COL12A1: variants seen among roughly 807,000 people sequenced by gnomAD.
COL12A1 encodes the protein collagen alpha-1(XII) chain.
In COL12A1, 114 loss-of-function variants were observed where a neutral mutation model predicts 349.7. The observed-to-expected ratio is 0.33, with a 90% confidence interval of 0.28 to 0.38. The LOEUF (loss-of-function observed/expected upper bound fraction) is 0.38, where lower values mean the gene tolerates loss of function less well. Ranked by LOEUF, COL12A1 falls within the 10% of genes least tolerant of loss-of-function variation. COL12A1 has a pLI of 1.00. For synonymous variants in COL12A1, 1,369 were observed against 1,329.0 expected, an observed-to-expected ratio of 1.03 and a Z score of -0.66; for missense variants, 3,284 against 3,756.9, an observed-to-expected ratio of 0.87 and a Z score of 3.29.
rs539441652 is a variant in COL12A1 at position 75,196,677 on chromosome 6, G to A, written c.74-1730C>T. Among the ~76,000 whole-genome samples the A allele has an allele frequency of 3.3e-5, 5 of 152,202 alleles. No individual in the cohort carries two copies. The East Asian group carries it at 7.7e-4, about 23-fold the overall frequency. On this transcript the variant is annotated intron_variant, in intron 2 of 65. Coordinates refer to ENST00000322507, the MANE Select transcript of COL12A1 (RefSeq NM_004370.6). ...ATGCAACAGATGTTAATAGGACAAC[G>A]GGTATTAAGAATATCATTATAAAAT...
chr6:75,090,163 C>T lies in COL12A1; in HGVS notation c.8888G>A (p.Gly2963Glu), dbSNP rs1767688812. 1 of 1,613,920 alleles carries T rather than the reference C, an allele frequency of 6.2e-7. No homozygotes were observed. Among genetic ancestry groups the T allele is most frequent in the Non-Finnish European group, 8.5e-7 (1 of 1,180,014 alleles). Residue 2963 changes from glycine (G) to glutamate (E), a missense_variant, in exon 63 of 66, where the codon GGG (glycine) becomes GAG (glutamate). Physicochemically the swap from Gly to Glu is moderately conservative, Grantham distance 98 (BLOSUM62 -2). Coordinates refer to ENST00000322507, the MANE Select transcript of COL12A1 (RefSeq NM_004370.6). The surrounding 1 kb of genome is among the most constrained non-coding windows in gnomAD (Gnocchi z 4.1). ...TGGTGTGCCCGGGAAGCCTGGCCGC[C>T]CCCCAGGCCCAGGTTCTCCTCTGGC... The part of the protein sequence containing the change: ...AGARGEPGPG[G>E]RPGFPGTPGM...
At chr6:75,117,951 C>T (rs780725536) in intron 46 of COL12A1, among the ~76,000 whole-genome samples, 20 of 152,058 alleles carry the variant, frequency 1.3e-4, no homozygotes, top group Non-Finnish European at 2.8e-4. Context: ...AACTGATTTT[C>T]TCAGGAAACT....
Position 75,109,025 on chromosome 6 carries a change from G to A in COL12A1, c.8093C>T (p.Ser2698Leu). The A allele has an allele frequency of 6.2e-7, 1 of 1,611,438 alleles. No homozygotes were observed. Among genetic ancestry groups the A allele is most frequent in the Non-Finnish European group, 8.5e-7 (1 of 1,179,076 alleles). Residue 2698 changes from serine (S) to leucine (L), a missense_variant, in exon 52 of 66, where the codon TCA (serine) becomes TTA (leucine). Ser to Leu is a moderately radical substitution (Grantham distance 145). Around this residue, in one of 2 missense-constraint regions of COL12A1, gnomAD observed 683 missense variants for 932.1 expected, o/e 0.73. Coordinates refer to ENST00000322507, the MANE Select transcript of COL12A1 (RefSeq NM_004370.6). ...TAAAAATGTGTTACTCACTGCGGCTGATTTCCTTTCCCCTTTAAGGAGTTT... is the reference window on the plus strand; with the variant it reads ...TAAAAATGTGTTACTCACTGCGGCTAATTTCCTTTCCCCTTTAAGGAGTTT... ...LGKLLKGERK[S>L]AAFQIQSFDI...
At chr6:75,111,274 G>C (rs1023660518) in intron 51 of COL12A1, among the ~76,000 whole-genome samples, 1 of 151,726 alleles carries the variant, frequency 6.6e-6, no homozygotes, top group African/African-American at 2.4e-5. Flanking sequence ...AAAGAAGAAG[G>C]TAGAGAATTT....
chr6:75,126,310 C>T (rs1766010674), intron 39 of COL12A1, 41 bp downstream of exon 39: 1 of 1,584,946 alleles, frequency 6.3e-7, no homozygotes. Context: ...ATGCAAATAA[C>T]CCTCCAAAGC....
rs1254800050 is a variant in COL12A1, at chr6:75,156,405, C to G, written c.3102G>C (p.Gly1034=). Residue 1034 remains glycine (G), a synonymous_variant, in exon 15 of 66, where the codon GGG becomes GGC. Transcript: ENST00000322507. The part of the protein sequence containing the change: ...VNYRVVYRPH[G]RGKQMVAKVP... ...CCTTAGCAACCATTTGCTTCCCTCT[C>G]CCATGAGGGCGATAGACAACACGGT... 8 of 1,613,992 alleles carry G rather than the reference C, an allele frequency of 5.0e-6. No individual in the cohort carries two copies. Among genetic ancestry groups the G allele is most frequent in the Non-Finnish European group, 6.8e-6 (8 of 1,179,922 alleles).
Position 75,115,803 on chromosome 6 carries a change from A to G in COL12A1, c.7678T>C (p.Phe2560Leu). ...ACTTACGCTGTAGGCTGATTCACAA[A>G]CGCATTCTTCTGAATCCTGTATGCT... The part of the protein sequence containing the change: ...YSAYRIQKNA[F>L]VNQPTADLHP... Residue 2560 changes from phenylalanine to leucine, a missense_variant, in exon 49 of 66, where the codon TTT (phenylalanine) becomes CTT (leucine). Around this residue, in one of 2 missense-constraint regions of COL12A1, gnomAD observed 683 missense variants for 932.1 expected, o/e 0.73. Transcript: ENST00000322507. 6.2e-7 allele frequency: 1 copy of G among 1,612,058 alleles called. No individual in the cohort carries two copies.
chr6:75,161,989 A>G (rs1268565628), intron 14 of COL12A1, among the ~76,000 whole-genome samples: 1 of 152,248 alleles, frequency 6.6e-6, no homozygotes, highest in Non-Finnish European at 1.5e-5. Context: ...ACCACTCTCA[A>G]GGAAATAAGA....
chr6:75,189,980 C>G (rs1260259385), intron 5 of COL12A1, among the ~76,000 whole-genome samples, 165 bp from the exon 6 acceptor site: 2 of 151,932 alleles, frequency 1.3e-5, no homozygotes, highest in Non-Finnish European at 2.9e-5. Context: ...ATTTTACTAA[C>G]AACACATAGA....
At chr6:75,198,280 T>C (rs1770334659) in intron 2 of COL12A1, among the ~76,000 whole-genome samples, 1 of 152,138 alleles carries the variant, frequency 6.6e-6, no homozygotes, top group South Asian at 2.1e-4. Flanking sequence ...CCTTGAGCAG[T>C]AGGATATAAA....
chr6:75,114,741 T>G (rs1193154068), intron 49 of COL12A1, among the ~76,000 whole-genome samples: 1 of 152,082 alleles, frequency 6.6e-6, no homozygotes, highest in African/African-American at 2.4e-5. Context: ...TTTATAATAT[T>G]CTATGTTAAA....
chr6:75,161,218 G>A (rs922871878), intron 14 of COL12A1, among the ~76,000 whole-genome samples: 1 of 152,126 alleles, frequency 6.6e-6, no homozygotes, highest in Admixed American at 6.5e-5. Flanking sequence ...ACTCCACACA[G>A]ATGGTGACCC....
rs377224579 is a variant in COL12A1, at chr6:75,130,143, T to C, written c.6158A>G (p.Gln2053Arg). The C allele has an allele frequency of 1.2e-6, 2 of 1,614,066 alleles. No homozygotes were observed. The highest frequency in any genetic ancestry group is 2.7e-5 in the African/African-American group (2 of 74,932). ...GGGAGAATAGATGATCCTGTACTGC[T>C]GAACTGGCCCATCAGCATGATCCCA... ...VAWDHADGPV[Q>R]QYRIIYSPTV... is the part of the protein sequence containing the mutation. The change falls in exon 37 of 66, where the codon CAG becomes CGG. Residue 2053 changes from glutamine to arginine, a missense_variant. Physicochemically the swap from Gln to Arg is conservative, Grantham distance 43 (BLOSUM62 1). Around this residue, in one of 2 missense-constraint regions of COL12A1, gnomAD observed 2,601 missense variants for 2,824.8 expected, o/e 0.92. Transcript: ENST00000322507.
chr6:75,152,334 A>G lies in COL12A1; in HGVS notation c.3714T>C (p.Ile1238=), dbSNP rs752068052. The G allele has an allele frequency of 1.3e-5, 21 of 1,613,486 alleles. No individual in the cohort carries two copies. In the African/African-American group the frequency reaches 1.5e-4, roughly 11 times the overall value. ...VFDIGPKRVQ[I]ALAQYSGDPR... is the part of the protein sequence containing the mutation. ...GGCTCCAATGTTGTCAGAACCTACC[A>G]ATTTGTACTCTTTTGGGGCCAATGT... is the stretch of plus-strand genomic sequence containing the variant. Residue 1238 remains isoleucine, a splice_region_variant and synonymous_variant, in exon 18 of 66, where the codon ATT becomes ATC. Coordinates refer to ENST00000322507, the MANE Select transcript of COL12A1 (RefSeq NM_004370.6).
Position 75,119,333 on chromosome 6 carries a change from T to C in COL12A1, c.7210+17A>G, listed in dbSNP as rs1287653127. On this transcript the variant is annotated intron_variant, in intron 45 of 65. Transcript: ENST00000322507. ...ACTACAAATGCTTGAAGAGTAAAGG[T>C]CTACATATACACATACCTGTTCTTG... The C allele has an allele frequency of 2.5e-6, 4 of 1,610,040 alleles. No homozygotes were observed. Among genetic ancestry groups the C allele is most frequent in the Non-Finnish European group, 3.4e-6 (4 of 1,177,860 alleles).
chr6:75,133,537 T>A, intron 33 of COL12A1, 115 bp from the exon 34 acceptor site: 1 of 1,063,636 alleles, frequency 9.4e-7, no homozygotes, highest in Admixed American at 2.7e-5. Context: ...TCTGTAATAT[T>A]AGGATGTCAT....
intron 28 of COL12A1, 54 bp from the exon 29 acceptor site, chr6:75,138,634 TC>T: frequency 6.2e-7 from 1 of 1,601,406 alleles, no homozygotes; most frequent in African/African-American, 1.3e-5. Flanking sequence ...TCCACTTACA[TC>T]ATACACACTC....
In COL12A1 at chr6:75,183,861, A is replaced by T; in HGVS notation, c.1281T>A (p.Val427=). 6.2e-7 allele frequency: 1 copy of T among 1,614,056 alleles called. No individual in the cohort carries two copies. The part of the protein sequence containing the change: ...SIMEKTQPMK[V]QVECSRGVDI... Reference sequence around the variant, plus strand: ...ATGCACACATTGACTTACCCACTTGAACTTTCATTGGCTGAGTCTTCTCCA... The same window carrying T: ...ATGCACACATTGACTTACCCACTTGTACTTTCATTGGCTGAGTCTTCTCCA... Residue 427 remains valine, a synonymous_variant, in exon 9 of 66, where the codon GTT becomes GTA. Transcript: ENST00000322507.
chr6:75,136,225 T>C (rs1396490124), intron 31 of COL12A1, among the ~76,000 whole-genome samples: 1 of 152,188 alleles, frequency 6.6e-6, no homozygotes, highest in Non-Finnish European at 1.5e-5. Context: ...GAAGTTCTGT[T>C]TCTGAAGTTA....
Sources: gnomAD v4.1 joint callset for allele counts (sites outside exome capture counted in the v4.1 genomes callset) on GRCh38, gnomAD v4.1.1 for gene constraint, gnomAD v4.1.1 regional missense constraint, Gnocchi (gnomAD v3.1) non-coding constraint, MANE v1.5 for transcripts, NCBI Gene and HGNC (gene_info 2026-07-23, HGNC 2026-07-21) for gene names.